The following GRM8 variants were observed in gnomAD, a reference collection of about 807,000 sequenced individuals.
GRM8 encodes glutamate metabotropic receptor 8, also known as metabotropic glutamate receptor 8.
Under a neutral mutation model 87.2 loss-of-function variants are expected in GRM8, and 47 were observed. That is an observed-to-expected ratio of 0.54 (90% CI 0.43 to 0.69). GRM8 has a LOEUF of 0.69. Among genes scored for constraint, GRM8 ranks in the 30% least tolerant of loss-of-function variants. GRM8 has a pLI of 0.00. For synonymous variants in GRM8, 396 were observed against 404.5 expected, an observed-to-expected ratio of 0.98 and a Z score of 0.25; for missense variants, 1,019 against 1,139.2, an observed-to-expected ratio of 0.89 and a Z score of 1.52.
In GRM8 at chr7:126,860,753, G is replaced by A. The variant is rs188999107; in HGVS notation, c.1156+41789C>T. Among the ~76,000 whole-genome samples, 299 of 152,144 alleles carry A rather than the reference G, an allele frequency of 2.0e-3. 2 individuals carry two copies. In the Middle Eastern group the frequency reaches 0.024, roughly 12 times the overall value. ...TACATTCTATATAACACATTTACTG[G>A]CCAAAACATGGCTTTTAAATTGTGA... is the stretch of plus-strand genomic sequence containing the variant. On this transcript the variant is annotated intron_variant, in intron 6 of 10. Transcript: ENST00000339582.
chr7:126,551,620 T>G (rs369062834), intron 8 of GRM8, among the ~76,000 whole-genome samples: 4 of 152,072 alleles, frequency 2.6e-5, no homozygotes, highest in African/African-American at 9.7e-5. Flanking sequence ...GGCCTAAACA[T>G]TTTCTTCTTG....
intron 3 of GRM8, among the ~76,000 whole-genome samples, chr7:127,040,568 G>C (rs1818330348): frequency 6.7e-6 from 1 of 148,844 alleles, no homozygotes; most frequent in Non-Finnish European, 1.5e-5. Flanking sequence ...CTACATAAAA[G>C]ATAACTGTCC....
chr7:127,062,028 C>T (rs1294362282), intron 3 of GRM8, among the ~76,000 whole-genome samples: 4 of 151,818 alleles, frequency 2.6e-5, no homozygotes, highest in Non-Finnish European at 1.5e-5. Flanking sequence ...CCTGTAATCC[C>T]GGCTACTCAG....
chr7:127,170,904 T>C (rs950914097), intron 2 of GRM8, among the ~76,000 whole-genome samples: 4 of 152,038 alleles, frequency 2.6e-5, no homozygotes, highest in African/African-American at 9.7e-5. Context: ...ACTGCTCGGG[T>C]GATGGGTGCA....
intron 3 of GRM8, among the ~76,000 whole-genome samples, chr7:126,912,030 T>C (rs1803358218): frequency 6.6e-6 from 1 of 151,564 alleles, no homozygotes; most frequent in Non-Finnish European, 1.5e-5. Flanking sequence ...CCGTCTCTAC[T>C]AAAAATACAA....
intron 8 of GRM8, among the ~76,000 whole-genome samples, chr7:126,539,232 A>C (rs577306497): frequency 1.3e-5 from 2 of 152,194 alleles, no homozygotes; most frequent in Non-Finnish European, 2.9e-5. Flanking sequence ...TTAGTAAAAG[A>C]AGCACATGAC....
chr7:126,982,250 A>G (rs1158551729), intron 3 of GRM8, among the ~76,000 whole-genome samples: 3 of 151,998 alleles, frequency 2.0e-5, no homozygotes, highest in African/African-American at 7.2e-5. Context: ...AGCTGATTAG[A>G]TGGTGCCTAT....
chr7:127,024,641 T>G (rs1386716587), intron 3 of GRM8, among the ~76,000 whole-genome samples: 3 of 152,088 alleles, frequency 2.0e-5, no homozygotes, highest in Non-Finnish European at 4.4e-5. Flanking sequence ...AACTTTCCTG[T>G]GGCCCACAAG....
chr7:126,449,576 A>T (rs1433984363), intron 9 of GRM8, among the ~76,000 whole-genome samples: 1 of 151,814 alleles, frequency 6.6e-6, no homozygotes, highest in African/African-American at 2.4e-5. Flanking sequence ...CCAGGCTCTG[A>T]CTATACGATG....
At chr7:126,771,140 T>C (rs765405203) in intron 6 of GRM8, among the ~76,000 whole-genome samples, 5 of 152,096 alleles carry the variant, frequency 3.3e-5, no homozygotes, top group Non-Finnish European at 2.9e-5. Flanking sequence ...CTTGAATAAA[T>C]TGTATTTAAA....
intron 6 of GRM8, among the ~76,000 whole-genome samples, chr7:126,807,953 G>A (rs557742512): frequency 1.3e-3 from 195 of 152,090 alleles, no homozygotes; most frequent in African/African-American, 4.4e-3. Flanking sequence ...AAAATGGACC[G>A]GAATGACTCA....
intron 7 of GRM8, among the ~76,000 whole-genome samples, chr7:126,729,314 C>T (rs577575478): frequency 1.3e-5 from 2 of 152,276 alleles, no homozygotes; most frequent in South Asian, 4.1e-4. Context: ...CATGTTCAAC[C>T]TATGTGCTAA....
chr7:126,765,559 A>T (rs2151591361), intron 7 of GRM8, among the ~76,000 whole-genome samples: 1 of 152,198 alleles, frequency 6.6e-6, no homozygotes, highest in African/African-American at 2.4e-5. Context: ...AGGTTCTCAT[A>T]GCAACAGAAA....
intron 7 of GRM8, among the ~76,000 whole-genome samples, chr7:126,635,077 A>G (rs1256477133): frequency 6.6e-6 from 1 of 152,166 alleles, no homozygotes; most frequent in East Asian, 1.9e-4. Context: ...TTAAATGACT[A>G]AACATTTACA....
At chr7:126,869,336 T>C (rs1411649427) in intron 6 of GRM8, 1 of 152,230 alleles carries the variant, frequency 6.6e-6, no homozygotes, top group African/African-American at 2.4e-5. Flanking sequence ...AAGACTATTT[T>C]GCCCTCCTCC....
At chr7:127,193,240 G>C (rs894232970) in intron 2 of GRM8, among the ~76,000 whole-genome samples, 2 of 151,846 alleles carry the variant, frequency 1.3e-5, no homozygotes, top group African/African-American at 2.4e-5. Context: ...TTTTCTTCTC[G>C]ACAAAAGAAC....
chr7:127,061,740 C>A (rs528879946), intron 3 of GRM8, among the ~76,000 whole-genome samples: 31 of 152,166 alleles, frequency 2.0e-4, no homozygotes, highest in Non-Finnish European at 3.5e-4. Context: ...TTAATGTCAT[C>A]TCAGTGTCTA....
intron 9 of GRM8, among the ~76,000 whole-genome samples, chr7:126,448,941 C>G (rs1802317112): frequency 6.6e-6 from 1 of 151,674 alleles, no homozygotes; most frequent in South Asian, 2.1e-4. Flanking sequence ...AGGTACTAGG[C>G]TTAATACATG....
intron 6 of GRM8, among the ~76,000 whole-genome samples, chr7:126,863,701 T>C (rs1285396470): frequency 1.3e-5 from 2 of 152,204 alleles, no homozygotes; most frequent in Non-Finnish European, 2.9e-5. Flanking sequence ...AAGTCTTCTA[T>C]ATTTTTTCTA....
Sources: gnomAD v4.1 joint callset for allele counts (sites outside exome capture counted in the v4.1 genomes callset) on GRCh38, gnomAD v4.1.1 for gene constraint, MANE v1.5 for transcripts, NCBI Gene and HGNC (gene_info 2026-07-23, HGNC 2026-07-21) for gene names.